Variants in KCNAB1 observed in about 807,000 individuals in gnomAD.
The protein encoded by KCNAB1 is potassium voltage-gated channel subfamily A regulatory beta subunit 1, also known as voltage-gated potassium channel subunit beta-1.
KCNAB1 carries 35 observed loss-of-function variants against 64.6 expected under a neutral mutation model. The observed-to-expected ratio is 0.54, with a 90% CI of 0.41 to 0.72. The LOEUF is 0.72. Among genes scored for constraint, KCNAB1 ranks in the 30% least tolerant of loss-of-function variants. The pLI, the probability that KCNAB1 is intolerant of heterozygous loss-of-function variation, is 0.00. For synonymous variants in KCNAB1, 177 were observed against 183.8 expected (o/e 0.96, Z 0.30); for missense variants, 401 against 512.9 (o/e 0.78, Z 2.11).
At chr3:156,214,808 G>A (rs1274858845) in intron 1 of KCNAB1, among the ~76,000 whole-genome samples, 3 of 152,190 alleles carry the variant, frequency 2.0e-5, no homozygotes, top group Non-Finnish European at 4.4e-5. Flanking sequence ...CCCAGTGAGT[G>A]TAATAAAGGT....
intron 1 of KCNAB1, among the ~76,000 whole-genome samples, chr3:156,415,408 C>A (rs571571075): frequency 6.6e-6 from 1 of 152,236 alleles, no homozygotes; most frequent in African/African-American, 2.4e-5. Context: ...AAGCAACCTG[C>A]CCAAGGTCAC....
intron 1 of KCNAB1, among the ~76,000 whole-genome samples, chr3:156,128,357 G>A (rs1345001054): frequency 6.6e-6 from 1 of 152,210 alleles, no homozygotes; most frequent in African/African-American, 2.4e-5. Context: ...AGAAAAAGGG[G>A]ATGAGGTGAT....
At chr3:156,366,429 A>G (rs6441063) in intron 1 of KCNAB1, among the ~76,000 whole-genome samples, 61,067 of 152,040 alleles carry the variant, frequency 0.4, 14,715 homozygotes, top group African/African-American at 0.69. Flanking sequence ...CTAGAAGAGG[A>G]CTGGGCCATA....
chr3:156,271,019 GC>G (rs2108491646), intron 1 of KCNAB1, among the ~76,000 whole-genome samples: 1 of 152,326 alleles, frequency 6.6e-6, no homozygotes. Context: ...CTCTCTCTGA[GC>G]CTGTAAGGCT....
chr3:156,232,606 G>T (rs1414618061), intron 1 of KCNAB1, among the ~76,000 whole-genome samples: 1 of 152,258 alleles, frequency 6.6e-6, no homozygotes, highest in Non-Finnish European at 1.5e-5. Flanking sequence ...TGAAGGCATA[G>T]AATTACTCTT....
intron 8 of KCNAB1, among the ~76,000 whole-genome samples, chr3:156,476,203 G>A (rs1389496240): frequency 6.6e-6 from 1 of 151,950 alleles, no homozygotes; most frequent in African/African-American, 2.4e-5. Flanking sequence ...GGTTACATGA[G>A]TAAGTGCTTT....
intron 1 of KCNAB1, among the ~76,000 whole-genome samples, chr3:156,148,098 A>C (rs561546088): frequency 6.6e-6 from 1 of 152,206 alleles, no homozygotes; most frequent in Admixed American, 6.5e-5. Flanking sequence ...GCTGCTTTGC[A>C]TGCTTACCCT....
At chr3:156,381,826 A>G (rs568962697) in intron 1 of KCNAB1, among the ~76,000 whole-genome samples, 1 of 152,292 alleles carries the variant, frequency 6.6e-6, no homozygotes, top group African/African-American at 2.4e-5. Context: ...GGTAATACCT[A>G]TCCAGTCATT....
At chr3:156,118,592 C>G (rs1477320578), upstream of KCNAB1, among the ~76,000 whole-genome samples, 2 of 152,222 alleles carry the variant, frequency 1.3e-5, no homozygotes, top group Non-Finnish European at 2.9e-5. Flanking sequence ...GAAAATAAAG[C>G]ATATGGGAGT....
chr3:156,315,450 TC>T (rs1722213848), intron 1 of KCNAB1, among the ~76,000 whole-genome samples: 1 of 152,158 alleles, frequency 6.6e-6, no homozygotes, highest in African/African-American at 2.4e-5. Flanking sequence ...CTCACTGAGG[TC>T]CCTGGAATTC....
intron 7 of KCNAB1, among the ~76,000 whole-genome samples, chr3:156,468,741 T>G (rs1713626535): frequency 6.6e-6 from 1 of 152,232 alleles, no homozygotes; most frequent in African/African-American, 2.4e-5. Flanking sequence ...GGATACTCTT[T>G]ACTAAGTAGT....
Position 156,459,849 on chromosome 3 carries a change from A to G in KCNAB1, c.460A>G (p.Ile154Val). Residue 154 changes from isoleucine (I) to valine (V), a missense_variant, in exon 5 of 14, where the codon ATC (isoleucine) becomes GTC (valine). By Grantham distance (29) the Ile-to-Val change is conservative (BLOSUM62 3). Transcript: ENST00000490337. ...CAGGGCTGAAGTGATTCTGGGGAGCATCATCAAGAAGAAAGGCTGGAGGTA... is the reference window on the plus strand; with the variant it reads ...CAGGGCTGAAGTGATTCTGGGGAGCGTCATCAAGAAGAAAGGCTGGAGGTA... ...AGKAEVILGS[I>V]IKKKGWRRSS... 6.2e-7 allele frequency: 1 copy of G among 1,611,080 alleles called. No individual in the cohort carries two copies.
At chr3:156,487,695 T>G (rs1715314063) in intron 8 of KCNAB1, among the ~76,000 whole-genome samples, 2 of 152,124 alleles carry the variant, frequency 1.3e-5, no homozygotes, top group South Asian at 4.1e-4. Flanking sequence ...GAAAGAAAGC[T>G]TAGTGTTAAC....
At chr3:156,358,800 A>G (rs905219553) in intron 1 of KCNAB1, among the ~76,000 whole-genome samples, 3 of 152,036 alleles carry the variant, frequency 2.0e-5, no homozygotes, top group Non-Finnish European at 4.4e-5. Flanking sequence ...CATGGTTTTG[A>G]TGAAGGTTAA....
At chr3:156,469,916 T>C (rs560782220) in intron 7 of KCNAB1, among the ~76,000 whole-genome samples, 1 of 152,346 alleles carries the variant, frequency 6.6e-6, no homozygotes, top group African/African-American at 2.4e-5. Flanking sequence ...TTGGGTTTCA[T>C]TGGTACTTGG....
chr3:156,324,606 G>T (rs1295558892), intron 1 of KCNAB1, among the ~76,000 whole-genome samples: 3 of 152,092 alleles, frequency 2.0e-5, no homozygotes, highest in African/African-American at 7.2e-5. Flanking sequence ...CTCAAGTTCG[G>T]AACTGATACC....
At chr3:156,528,338 T>C (rs1348929811) in intron 12 of KCNAB1, among the ~76,000 whole-genome samples, 1 of 152,192 alleles carries the variant, frequency 6.6e-6, no homozygotes, top group African/African-American at 2.4e-5. Context: ...GGGCAGAAGA[T>C]GTGCTTGGGG....
At chr3:156,163,919 ATC>A (rs1353449257) in intron 1 of KCNAB1, among the ~76,000 whole-genome samples, 2 of 152,184 alleles carry the variant, frequency 1.3e-5, no homozygotes, top group Non-Finnish European at 2.9e-5. Context: ...AACCTTGATG[ATC>A]TACAAGGTGA....
chr3:156,489,172 A>G (rs2108348045), intron 8 of KCNAB1, among the ~76,000 whole-genome samples: 1 of 152,238 alleles, frequency 6.6e-6, no homozygotes, highest in Admixed American at 6.5e-5. Flanking sequence ...CTGCATGCGA[A>G]TGGTATTTCA....
Sources: gnomAD v4.1 joint callset for allele counts (sites outside exome capture counted in the v4.1 genomes callset) on GRCh38, gnomAD v4.1.1 for gene constraint, MANE v1.5 for transcripts, NCBI Gene and HGNC (gene_info 2026-07-23, HGNC 2026-07-21) for gene names.